SLC24A3: variants seen among roughly 807,000 people sequenced by gnomAD.
SLC24A3 encodes sodium/potassium/calcium exchanger 3.
A neutral mutation model predicts 75.8 loss-of-function variants in SLC24A3; 28 were observed. The observed-to-expected ratio is 0.37, with a 90% CI of 0.27 to 0.51. The LOEUF (loss-of-function observed/expected upper bound fraction) is 0.51, where lower values mean the gene tolerates loss of function less well. Among genes scored for constraint, SLC24A3 ranks in the 20% least tolerant of loss-of-function variants. The pLI, the probability that SLC24A3 is intolerant of heterozygous loss-of-function variation, is 0.94. For missense variants in SLC24A3, 663 were observed against 847.8 expected, an observed-to-expected ratio of 0.78 and a Z score of 2.71; for synonymous variants, 372 against 334.1, an observed-to-expected ratio of 1.11 and a Z score of -1.24.
intron 1 of SLC24A3, among the ~76,000 whole-genome samples, chr20:19,277,086 G>C (rs1261736980): frequency 1.3e-5 from 2 of 152,096 alleles, no homozygotes; most frequent in Non-Finnish European, 1.5e-5. Flanking sequence ...CTTTACTATA[G>C]CTGTATAATT....
intron 2 of SLC24A3, among the ~76,000 whole-genome samples, chr20:19,294,787 T>G (rs1027366365): frequency 6.6e-6 from 1 of 152,228 alleles, no homozygotes; most frequent in African/African-American, 2.4e-5. Context: ...CTTATATTCC[T>G]TTGGTTATAT....
chr20:19,372,272 G>A (rs534047237), intron 2 of SLC24A3, among the ~76,000 whole-genome samples: 1 of 152,202 alleles, frequency 6.6e-6, no homozygotes, highest in Non-Finnish European at 1.5e-5. Context: ...AGGGAAAGAA[G>A]CAGAAGTTGA....
At chr20:19,551,566 G>A (rs973187321) in intron 3 of SLC24A3, among the ~76,000 whole-genome samples, 35 of 152,236 alleles carry the variant, frequency 2.3e-4, no homozygotes, top group African/African-American at 7.2e-4. Context: ...TGGTGGAGTT[G>A]CTATAACATG....
intron 2 of SLC24A3, among the ~76,000 whole-genome samples, chr20:19,292,393 T>C (rs6045965): frequency 0.06 from 9,104 of 152,204 alleles, 609 homozygotes; most frequent in African/African-American, 0.17. Context: ...TAAAATGAAT[T>C]TGACAGGCAC....
At chr20:19,479,845 G>C (rs1988024398) in intron 2 of SLC24A3, among the ~76,000 whole-genome samples, 1 of 152,188 alleles carries the variant, frequency 6.6e-6, no homozygotes. Context: ...GAATGCTTAA[G>C]GCACATGGTT....
chr20:19,307,579 A>T (rs1984361775), intron 2 of SLC24A3, among the ~76,000 whole-genome samples: 1 of 152,134 alleles, frequency 6.6e-6, no homozygotes, highest in Non-Finnish European at 1.5e-5. Flanking sequence ...AGGGAGAGGA[A>T]CATCACACAC....
intron 1 of SLC24A3, among the ~76,000 whole-genome samples, chr20:19,275,928 G>A (rs1983472127): frequency 6.6e-6 from 1 of 152,130 alleles, no homozygotes; most frequent in African/African-American, 2.4e-5. Context: ...CCCCTCCCCT[G>A]ACTAATTAGG....
At chr20:19,257,285 C>A (rs1982843403) in intron 1 of SLC24A3, among the ~76,000 whole-genome samples, 1 of 152,152 alleles carries the variant, frequency 6.6e-6, no homozygotes, top group Non-Finnish European at 1.5e-5. Flanking sequence ...GGGGCTGTTT[C>A]AAAAAATCTA....
At chr20:19,296,600 C>A (rs1984065879) in intron 2 of SLC24A3, among the ~76,000 whole-genome samples, 1 of 151,752 alleles carries the variant, frequency 6.6e-6, no homozygotes, top group Non-Finnish European at 1.5e-5. Flanking sequence ...ATTCATAAAA[C>A]CAGTTCTAAG....
intron 2 of SLC24A3, among the ~76,000 whole-genome samples, chr20:19,446,529 A>G (rs1432505818): frequency 6.6e-6 from 1 of 152,246 alleles, no homozygotes; most frequent in Non-Finnish European, 1.5e-5. Flanking sequence ...TGTTCTGTAA[A>G]GGATGGCGTT....
At chr20:19,665,809 G>A in intron 7 of SLC24A3, 55 bp from the exon 8 acceptor site, 1 of 1,480,016 alleles carries the variant, frequency 6.8e-7, no homozygotes, top group Non-Finnish European at 9.1e-7. Context: ...GTGTGTGTGT[G>A]TGTGTGTGTG....
At chr20:19,545,607 C>T (rs945674712) in intron 3 of SLC24A3, among the ~76,000 whole-genome samples, 4 of 152,118 alleles carry the variant, frequency 2.6e-5, no homozygotes, top group Admixed American at 6.5e-5. Context: ...GGCCTTGCTG[C>T]GTTGCCACCC....
At chr20:19,573,844 A>T (rs565683132) in intron 3 of SLC24A3, among the ~76,000 whole-genome samples, 1 of 152,328 alleles carries the variant, frequency 6.6e-6, no homozygotes, top group Admixed American at 6.5e-5. Flanking sequence ...TATTACTTAG[A>T]ACAAGATTGA....
At chr20:19,615,433 T>C (rs762605149) in intron 6 of SLC24A3, among the ~76,000 whole-genome samples, 7 of 152,120 alleles carry the variant, frequency 4.6e-5, no homozygotes, top group Non-Finnish European at 1.0e-4. Flanking sequence ...CTGGCATCTG[T>C]TCTGTTTCTG....
intron 6 of SLC24A3, among the ~76,000 whole-genome samples, chr20:19,637,127 C>T (rs1600314364): frequency 1.4e-5 from 2 of 144,126 alleles, no homozygotes; most frequent in South Asian, 4.4e-4. Context: ...GGCAAAACCC[C>T]GTCTCTACTA....
At chr20:19,395,027 A>G (rs73605521) in intron 2 of SLC24A3, among the ~76,000 whole-genome samples, 18,483 of 152,262 alleles carry the variant, frequency 0.12, 1,638 homozygotes, top group East Asian at 0.33. Flanking sequence ...AGCATTATTT[A>G]ACCTTAAAAA....
chr20:19,337,041 G>A (rs897298985), intron 2 of SLC24A3, among the ~76,000 whole-genome samples: 1 of 152,118 alleles, frequency 6.6e-6, no homozygotes, highest in African/African-American at 2.4e-5. Context: ...TCTTTCATAT[G>A]AGAATATTAA....
chr20:19,454,691 G>C (rs1987548792), intron 2 of SLC24A3, among the ~76,000 whole-genome samples: 1 of 152,122 alleles, frequency 6.6e-6, no homozygotes, highest in African/African-American at 2.4e-5. Flanking sequence ...AGGGTTGTAG[G>C]GGTAACCACA....
rs142071585 is a variant in SLC24A3 at position 19,640,622 on chromosome 20, T to C, written c.613-13440T>C. ...AAAATTAGCCAGATGTGGTGGCGGA[T>C]GCCTGTAATCCCAGCTACTCCGAAG... On this transcript the variant is annotated intron_variant, in intron 6 of 16. Transcript: ENST00000328041. 5.1e-3 allele frequency among the ~76,000 whole-genome samples: 784 copies of C among 152,278 alleles called. 6 individuals carry two copies. The highest frequency in any genetic ancestry group is 0.016 in the African/African-American group (683 of 41,570).
Sources: gnomAD v4.1 joint callset for allele counts (sites outside exome capture counted in the v4.1 genomes callset) on GRCh38, gnomAD v4.1.1 for gene constraint, MANE v1.5 for transcripts, NCBI Gene and HGNC (gene_info 2026-07-23, HGNC 2026-07-21) for gene names.